The following POC1A variants were observed in gnomAD, a reference collection of about 807,000 sequenced individuals.
The protein encoded by POC1A is POC1 centriolar protein homolog A.
Under a neutral mutation model 47.8 loss-of-function variants are expected in POC1A, and 34 were observed. The ratio of observed to expected loss-of-function variants is 0.71; its 90% CI spans 0.54 to 0.95. The LOEUF is 0.95. POC1A is among the 40% of genes least tolerant of loss of function. The pLI, the probability that POC1A is intolerant of heterozygous loss-of-function variation, is 0.00. For missense variants in POC1A, 466 were observed against 528.3 expected (o/e 0.88, Z 1.16); for synonymous variants, 177 against 207.6 (o/e 0.85, Z 1.27).
At chr3:52,153,980 C>G (rs977601090) in intron 1 of POC1A, among the ~76,000 whole-genome samples, 3 of 152,266 alleles carry the variant, frequency 2.0e-5, no homozygotes, top group Admixed American at 6.5e-5. Flanking sequence ...CCTGCTGGAG[C>G]AGGGTGTACC....
At chr3:52,130,978 C>T (rs2107129956) in intron 7 of POC1A, among the ~76,000 whole-genome samples, 1 of 151,020 alleles carries the variant, frequency 6.6e-6, no homozygotes, top group African/African-American at 2.4e-5. Context: ...AGCGCCTGTG[C>T]AGGTCTGGGT....
chr3:52,123,400 G>A (rs145306318), intron 8 of POC1A, among the ~76,000 whole-genome samples: 1 of 152,164 alleles, frequency 6.6e-6, no homozygotes, highest in African/African-American at 2.4e-5. Flanking sequence ...ACTGGGGAGT[G>A]TGTGGCCAGT....
In POC1A at chr3:52,122,428, G is replaced by A. The variant is rs762363654; in HGVS notation, c.932C>T (p.Thr311Met). The change falls in exon 9 of 11, where the codon ACG (threonine) becomes ATG (methionine). Residue 311 changes from threonine (T) to methionine (M), a missense_variant. By Grantham distance (81) the Thr-to-Met change is moderately conservative (BLOSUM62 -1). Coordinates refer to ENST00000296484, the MANE Select transcript of POC1A (RefSeq NM_015426.5). ...NFDIVDHGEV[T>M]KVPRPPATLA... ...TGTGGCTGGGGGCCTCGGCACTTTC[G>A]TGACTTCTCCATGATCAACAATATC... is the stretch of plus-strand genomic sequence containing the variant. 2.1e-5 allele frequency: 34 copies of A among 1,613,118 alleles called. No homozygotes were observed. Among genetic ancestry groups the A allele is most frequent in the Middle Eastern group, 1.6e-4 (1 of 6,084 alleles).
At chr3:52,138,760 C>T (rs1475633315) in intron 6 of POC1A, among the ~76,000 whole-genome samples, 4 of 152,282 alleles carry the variant, frequency 2.6e-5, no homozygotes, top group Middle Eastern at 3.4e-3. Flanking sequence ...TGGGGGCAGA[C>T]GAGCAGAAAG....
intron 7 of POC1A, among the ~76,000 whole-genome samples, chr3:52,135,672 G>T (rs1704429579): frequency 6.6e-6 from 1 of 152,118 alleles, no homozygotes; most frequent in Non-Finnish European, 1.5e-5. Flanking sequence ...AGGTGAGCTG[G>T]TCTTTGCTGG....
rs149308113 is a variant in POC1A, at chr3:52,142,682, G to A, written c.679+3164C>T. Among the ~76,000 whole-genome samples, 4 of 152,338 alleles carry A rather than the reference G, an allele frequency of 2.6e-5. No homozygotes were observed. The East Asian group carries it at 7.7e-4, about 29-fold the overall frequency. On this transcript the variant is annotated intron_variant, in intron 6 of 10. Transcript: ENST00000296484. ...ATCCAGAGTCACTAGGGGAGACACT[G>A]CACGTCACTGTGTCCGTAGGTTTCC...
At chr3:52,103,096 T>A (rs1703054220) in intron 9 of POC1A, among the ~76,000 whole-genome samples, 1 of 152,238 alleles carries the variant, frequency 6.6e-6, no homozygotes, top group Non-Finnish European at 1.5e-5. Context: ...CACAAACAAC[T>A]TAGTACAGAC....
chr3:52,091,017 A>G (rs887497304), intron 10 of POC1A, among the ~76,000 whole-genome samples: 15 of 152,226 alleles, frequency 9.9e-5, no homozygotes, highest in Non-Finnish European at 1.5e-5. Context: ...GGGTCTGAGC[A>G]GCTGCAGTTT....
At chr3:52,136,432 C>T (rs1434280069) in intron 7 of POC1A, among the ~76,000 whole-genome samples, 1 of 152,192 alleles carries the variant, frequency 6.6e-6, no homozygotes, top group Non-Finnish European at 1.5e-5. Flanking sequence ...TGGAGTCCCC[C>T]TCTTCCCAGG....
chr3:52,112,830 T>C (rs547041776), intron 9 of POC1A, among the ~76,000 whole-genome samples: 3 of 152,348 alleles, frequency 2.0e-5, no homozygotes, highest in African/African-American at 7.2e-5. Flanking sequence ...CTTCTTCCCT[T>C]AATTCCCCTG....
chr3:52,150,101 A>C, intron 2 of POC1A, 114 bp from the exon 3 acceptor site: 1 of 796,652 alleles, frequency 1.3e-6, no homozygotes, highest in South Asian at 1.7e-5. Flanking sequence ...CCTGGCATCC[A>C]CAAACAGACC....
At chr3:52,150,048 A>T in intron 2 of POC1A, 61 bp from the exon 3 acceptor site, 1 of 1,450,418 alleles carries the variant, frequency 6.9e-7, no homozygotes, top group Non-Finnish European at 9.5e-7. Context: ...CTCCACCAAG[A>T]CATTGGAGAG....
intron 5 of POC1A, 96 bp from the exon 6 acceptor site, chr3:52,146,057 C>A (rs1698354369): frequency 5.6e-6 from 4 of 709,574 alleles, no homozygotes; most frequent in Non-Finnish European, 1.0e-5. Context: ...CTGTGTCCTG[C>A]CCACGCTGTT....
chr3:52,149,961 T>C lies in POC1A; in HGVS notation c.130A>G (p.Met44Val), dbSNP rs1053072293. ...LASGSMDSCLMVWHMKPQSRA... is the reference protein window; with the variant it reads ...LASGSMDSCLVVWHMKPQSRA... ...GACTGCGGCTTCATGTGCCAGACCA[T>C]GAGGCATGAGTCCATGGAGCCACTG... The change falls in exon 3 of 11, where the codon ATG becomes GTG. Residue 44 changes from methionine (M) to valine (V), a missense_variant. Transcript: ENST00000296484. The C allele has an allele frequency of 5.6e-6, 9 of 1,613,616 alleles. No individual in the cohort carries two copies. Among genetic ancestry groups the C allele is most frequent in the Non-Finnish European group, 5.1e-6 (6 of 1,179,990 alleles).
intron 6 of POC1A, among the ~76,000 whole-genome samples, chr3:52,142,518 T>C (rs541144297): frequency 6.6e-6 from 1 of 152,172 alleles, no homozygotes; most frequent in African/African-American, 2.4e-5. Context: ...AGTGCCCTCA[T>C]AGAGCACAAC....
intron 9 of POC1A, among the ~76,000 whole-genome samples, chr3:52,115,208 T>C (rs1002769254): frequency 6.6e-6 from 1 of 152,132 alleles, no homozygotes; most frequent in Non-Finnish European, 1.5e-5. Context: ...CTTGAACTCC[T>C]GGGCTCAAGC....
At position 52,079,485 on chromosome 3, in the gene POC1A, C is replaced by T. The variant is rs539660903; in HGVS notation, c.1126-3500G>A. Reference sequence around the variant, plus strand: ...ACACTCCATGGCCTGGAAGCCACGACTTTCATTTATTCAAGGAAAAATGAG... The same window carrying T: ...ACACTCCATGGCCTGGAAGCCACGATTTTCATTTATTCAAGGAAAAATGAG... On this transcript the variant is annotated intron_variant, in intron 10 of 10. Transcript: ENST00000296484. The surrounding 1 kb of genome is among the most constrained non-coding windows in gnomAD (Gnocchi z 4.6). 2.6e-5 allele frequency among the ~76,000 whole-genome samples: 4 copies of T among 152,384 alleles called. No individual in the cohort carries two copies. The East Asian group carries it at 5.8e-4, about 22-fold the overall frequency.
At chr3:52,118,786 C>T (rs962934848) in intron 9 of POC1A, among the ~76,000 whole-genome samples, 11 of 152,202 alleles carry the variant, frequency 7.2e-5, no homozygotes, top group African/African-American at 2.7e-4. Context: ...GCCCAGGGTG[C>T]AGACAGAGCT....
chr3:52,122,402 G>T lies in POC1A; in HGVS notation c.958C>A (p.Leu320Met). 1.2e-6 allele frequency: 2 copies of T among 1,608,908 alleles called. No homozygotes were observed. Among genetic ancestry groups the T allele is most frequent in the South Asian group, 1.1e-5 (1 of 90,976 alleles). Reference protein sequence around the residue: ...VTKVPRPPATLASSMGNLPEV... With the variant: ...VTKVPRPPATMASSMGNLPEV... Reference sequence around the variant, plus strand: ...ACCAGATTCCCCATGGAGCTGGCCAGTGTGGCTGGGGGCCTCGGCACTTTC... The same window carrying T: ...ACCAGATTCCCCATGGAGCTGGCCATTGTGGCTGGGGGCCTCGGCACTTTC... The change falls in exon 9 of 11, where the codon CTG (leucine) becomes ATG (methionine). Residue 320 changes from leucine (L) to methionine (M), a missense_variant. Coordinates refer to ENST00000296484, the MANE Select transcript of POC1A (RefSeq NM_015426.5).
Sources: allele counts gnomAD v4.1 joint callset (sites outside exome capture counted in the v4.1 genomes callset), GRCh38; gene constraint gnomAD v4.1.1; non-coding constraint Gnocchi (gnomAD v3.1); transcripts MANE v1.5; gene names NCBI Gene and HGNC (gene_info 2026-07-23, HGNC 2026-07-21).